The following TMCO6 variants were observed in gnomAD, a reference collection of about 807,000 sequenced individuals.
TMCO6 encodes transmembrane and coiled-coil domains 6, also known as transmembrane and coiled-coil domain-containing protein 6.
Under a neutral mutation model 61.8 loss-of-function variants are expected in TMCO6, and 47 were observed. That is an observed-to-expected ratio of 0.76 (90% confidence interval 0.60 to 0.97). The LOEUF (loss-of-function observed/expected upper bound fraction) is 0.97. Ranked by LOEUF, TMCO6 falls within the 50% of genes least tolerant of loss-of-function variation. The pLI is 0.00. For missense variants in TMCO6, 557 were observed against 601.6 expected (o/e 0.93, Z 0.78); for synonymous variants, 261 against 254.2 (o/e 1.03, Z -0.25).
At chr5:140,599,462 C>T in the TMCO6 span, among the ~76,000 whole-genome samples, 1 of 152,192 alleles carries the variant, frequency 6.6e-6, no homozygotes, top group African/African-American at 2.4e-5. Context: ...AATGTAGTGG[C>T]AAACAGAATG....
intron 2 of TMCO6, chr5:140,641,354 C>T (rs1241309475): frequency 1.1e-5 from 3 of 285,056 alleles, no homozygotes; most frequent in Non-Finnish European, 1.4e-5. Context: ...GTAGGTTTTG[C>T]CAGGCTGAGA....
At chr5:140,618,780 A>G in the TMCO6 span, among the ~76,000 whole-genome samples, 1 of 152,182 alleles carries the variant, frequency 6.6e-6, no homozygotes, top group African/African-American at 2.4e-5. Flanking sequence ...ATGCAAAAAC[A>G]TGAATCTAGA....
downstream of TMCO6, chr5:140,647,309 G>C: frequency 6.3e-7 from 1 of 1,591,312 alleles, no homozygotes; most frequent in Non-Finnish European, 8.6e-7. Flanking sequence ...GATTAGGATG[G>C]GTAGGTCGGG....
At position 140,642,429 on chromosome 5, in the gene TMCO6, T is replaced by G. The variant is rs776294510; in HGVS notation, c.603+10T>G. The stretch of plus-strand genomic sequence containing the variant: ...GGCTGCCTGCATCCAGGTGACTCCT[T>G]TCTTCCTCCCTGGGCAACCCTTCCT... On this transcript the variant is annotated intron_variant, in intron 5 of 11. Transcript: ENST00000394671. 1 of 1,611,408 alleles carries G rather than the reference T, an allele frequency of 6.2e-7. No homozygotes were observed.
chr5:140,615,385 C>T, the TMCO6 span, among the ~76,000 whole-genome samples: 9 of 151,858 alleles, frequency 5.9e-5, no homozygotes, highest in African/African-American at 2.2e-4. Context: ...TCTACAGATA[C>T]AATGCATTTC....
the TMCO6 span, among the ~76,000 whole-genome samples, chr5:140,630,335 G>T: frequency 6.6e-6 from 1 of 151,730 alleles, no homozygotes; most frequent in East Asian, 1.9e-4. Flanking sequence ...TTTGCAATCA[G>T]ATATGTTACA....
chr5:140,640,530 C>G (rs187863528), intron 2 of TMCO6, among the ~76,000 whole-genome samples: 16 of 151,800 alleles, frequency 1.1e-4, no homozygotes, highest in African/African-American at 3.9e-4. Context: ...CTCAGCCTCC[C>G]GAGTAGCAGG....
At chr5:140,620,987 T>A in the TMCO6 span, among the ~76,000 whole-genome samples, 2 of 151,802 alleles carry the variant, frequency 1.3e-5, no homozygotes, top group Non-Finnish European at 1.5e-5. Context: ...CACTCCAACC[T>A]GGGGGACAGA....
At chr5:140,635,234 G>A (rs1187716738), upstream of TMCO6, among the ~76,000 whole-genome samples, 2 of 152,254 alleles carry the variant, frequency 1.3e-5, no homozygotes, top group African/African-American at 4.8e-5. Flanking sequence ...TGCCATGCCA[G>A]GCCTCTGTGA....
chr5:140,616,495 G>C, the TMCO6 span, among the ~76,000 whole-genome samples: 2 of 152,196 alleles, frequency 1.3e-5, no homozygotes, highest in Admixed American at 6.5e-5. Flanking sequence ...CCAGGAGTCT[G>C]AGGTTGCAGT....
chr5:140,599,302 G>A, the TMCO6 span, among the ~76,000 whole-genome samples: 1 of 152,082 alleles, frequency 6.6e-6, no homozygotes, highest in East Asian at 1.9e-4. Flanking sequence ...TTCTTCTATT[G>A]GGCATTGATA....
At chr5:140,640,516 C>T (rs915027839) in intron 2 of TMCO6, among the ~76,000 whole-genome samples, 11 of 152,048 alleles carry the variant, frequency 7.2e-5, no homozygotes, top group Admixed American at 4.6e-4. Flanking sequence ...AGCGATTCTC[C>T]TGCCTCAGCC....
chr5:140,639,705 C>T, intron 1 of TMCO6, 34 bp from the exon 2 acceptor site: 1 of 1,561,564 alleles, frequency 6.4e-7, no homozygotes, highest in Non-Finnish European at 8.7e-7. Context: ...TTGTGGTCGT[C>T]CTTCCCACGC....
chr5:140,610,839 G>A, the TMCO6 span, among the ~76,000 whole-genome samples: 2 of 152,154 alleles, frequency 1.3e-5, no homozygotes, highest in Admixed American at 1.3e-4. Flanking sequence ...TATTAAGTAT[G>A]ATATAAACTG....
chr5:140,632,464 C>A, the TMCO6 span: 103 of 1,614,074 alleles, frequency 6.4e-5, no homozygotes, highest in Non-Finnish European at 8.6e-5. This position sits in a 1 kb window ranked among gnomAD's most constrained non-coding sequence, Gnocchi z 6.2. Context: ...ATGCTCAGTA[C>A]CTTGAGGCCT....
chr5:140,631,436 TAGGAG>T, the TMCO6 span, among the ~76,000 whole-genome samples: 1 of 152,078 alleles, frequency 6.6e-6, no homozygotes, highest in Non-Finnish European at 1.5e-5. Context: ...GGGAAGTGCA[TAGGAG>T]AGGAAATATT....
At chr5:140,643,131 A>G (rs1757151879) in intron 7 of TMCO6, 90 bp downstream of exon 7, 9 of 1,568,498 alleles carry the variant, frequency 5.7e-6, no homozygotes, top group Admixed American at 3.5e-5. Flanking sequence ...TGGAATTGCT[A>G]TAGTGAGTTT....
the TMCO6 span, among the ~76,000 whole-genome samples, chr5:140,625,272 G>A: frequency 6.6e-6 from 1 of 152,186 alleles, no homozygotes; most frequent in Non-Finnish European, 1.5e-5. Context: ...ACCAGTTTAT[G>A]TTACCCTTTG....
At chr5:140,631,218 G>A in the TMCO6 span, among the ~76,000 whole-genome samples, 1 of 152,086 alleles carries the variant, frequency 6.6e-6, no homozygotes, top group Non-Finnish European at 1.5e-5. Flanking sequence ...GGTGAAGAGA[G>A]GTTTTACAAG....
Sources: gnomAD v4.1 joint callset for allele counts (sites outside exome capture counted in the v4.1 genomes callset) on GRCh38, gnomAD v4.1.1 for gene constraint, Gnocchi (gnomAD v3.1) non-coding constraint, MANE v1.5 for transcripts, NCBI Gene and HGNC (gene_info 2026-07-23, HGNC 2026-07-21) for gene names.